RNGTT: variants seen among roughly 807,000 people sequenced by gnomAD.
The protein encoded by RNGTT is RNA guanylyltransferase and 5'-phosphatase.
A neutral mutation model predicts 79.3 loss-of-function variants in RNGTT; 33 were observed. That is an observed-to-expected ratio of 0.42 (90% confidence interval 0.32 to 0.56). RNGTT has a LOEUF of 0.56. Ranked by LOEUF, RNGTT falls within the 20% of genes least tolerant of loss-of-function variation. RNGTT has a pLI of 0.17. For missense variants in RNGTT, 497 were observed against 739.1 expected, an observed-to-expected ratio of 0.67 and a Z score of 3.80; for synonymous variants, 222 against 235.9, an observed-to-expected ratio of 0.94 and a Z score of 0.54.
At chr6:88,923,122 C>G (rs1227161777) in intron 4 of RNGTT, among the ~76,000 whole-genome samples, 2 of 152,222 alleles carry the variant, frequency 1.3e-5, no homozygotes, top group Admixed American at 6.5e-5. Flanking sequence ...TCAGCAAGCA[C>G]ATAATGTTTG....
intron 13 of RNGTT, among the ~76,000 whole-genome samples, chr6:88,765,685 T>C (rs559905529): frequency 2.9e-4 from 44 of 152,300 alleles, no homozygotes; most frequent in Admixed American, 2.6e-3. Flanking sequence ...AGCAAATAAG[T>C]AGTGGAACTT....
At chr6:88,768,554 G>A (rs1037926028) in intron 13 of RNGTT, among the ~76,000 whole-genome samples, 6 of 152,212 alleles carry the variant, frequency 3.9e-5, no homozygotes, top group Non-Finnish European at 8.8e-5. Context: ...ATCTTTTGGA[G>A]TCTGGACTCC....
At chr6:88,743,838 T>C (rs996227992) in intron 13 of RNGTT, among the ~76,000 whole-genome samples, 13 of 152,206 alleles carry the variant, frequency 8.5e-5, no homozygotes, top group African/African-American at 3.1e-4. Context: ...CATATGATAA[T>C]TCTATTTTTA....
chr6:88,613,194 T>C (rs1030378447), intron 15 of RNGTT, among the ~76,000 whole-genome samples: 7 of 152,214 alleles, frequency 4.6e-5, no homozygotes, highest in African/African-American at 7.2e-5. Flanking sequence ...ACACAACACA[T>C]TGCACCATAG....
At chr6:88,931,221 T>C (rs547049379) in intron 2 of RNGTT, among the ~76,000 whole-genome samples, 7 of 145,964 alleles carry the variant, frequency 4.8e-5, no homozygotes, top group Non-Finnish European at 1.0e-4. Context: ...GAACAAGAAG[T>C]TCTATGTGCT....
rs1344150566 is a variant in RNGTT at position 88,678,372 on chromosome 6, C to T, written c.1487G>A (p.Arg496Lys). Residue 496 changes from arginine to lysine, a missense_variant, in exon 14 of 16, where the codon AGA (arginine) becomes AAA (lysine). Physicochemically the swap from Arg to Lys is conservative, Grantham distance 26. Around this residue, in one of 3 missense-constraint regions of RNGTT, gnomAD observed 440 missense variants for 671.5 expected, o/e 0.66. Transcript: ENST00000369485. ...ACATACCTTGATTTGTGCAAAGGGT[C>T]TTTCATAACCTCCAACATACAGGAG... ...VGLLYVGGYE[R>K]PFAQIKVTKE... 1.9e-6 allele frequency: 3 copies of T among 1,539,500 alleles called. No individual in the cohort carries two copies. The highest frequency in any genetic ancestry group is 2.7e-5 in the African/African-American group (2 of 73,300).
At chr6:88,837,441 T>A (rs1176938826) in intron 11 of RNGTT, among the ~76,000 whole-genome samples, 2 of 152,072 alleles carry the variant, frequency 1.3e-5, no homozygotes, top group Non-Finnish European at 2.9e-5. Context: ...CATATTTTTT[T>A]AAACCAAGTT....
chr6:88,807,680 G>A (rs1780002773), intron 11 of RNGTT, among the ~76,000 whole-genome samples: 1 of 151,872 alleles, frequency 6.6e-6, no homozygotes, highest in African/African-American at 2.4e-5. Flanking sequence ...GCCTCCAATT[G>A]CTACAAAATT....
chr6:88,817,651 G>C, intron 11 of RNGTT, among the ~76,000 whole-genome samples: 1 of 149,274 alleles, frequency 6.7e-6, no homozygotes, highest in Non-Finnish European at 1.5e-5. Flanking sequence ...AAACTAATCA[G>C]CAACCTTAAC....
chr6:88,756,694 A>C (rs899687601), intron 13 of RNGTT, among the ~76,000 whole-genome samples: 2 of 152,168 alleles, frequency 1.3e-5, no homozygotes, highest in Admixed American at 1.3e-4. Context: ...GACTATATTG[A>C]CTACATACAA....
chr6:88,924,778 T>C (rs949636208), intron 4 of RNGTT, among the ~76,000 whole-genome samples: 71 of 150,470 alleles, frequency 4.7e-4, no homozygotes, highest in African/African-American at 1.7e-3. Flanking sequence ...CAAGCTGGAG[T>C]GCAGGTGTGA....
chr6:88,848,358 A>C (rs1334087239), intron 10 of RNGTT, among the ~76,000 whole-genome samples: 1 of 152,102 alleles, frequency 6.6e-6, no homozygotes, highest in Non-Finnish European at 1.5e-5. Context: ...TTACATTCCA[A>C]GAATGAGAAC....
Position 88,850,679 on chromosome 6 carries a change from T to C in RNGTT, c.1033-853A>G, listed in dbSNP as rs539047072. 2.2e-4 allele frequency among the ~76,000 whole-genome samples: 33 copies of C among 151,768 alleles called. No individual in the cohort carries two copies. The South Asian group carries it at 6.6e-3, about 31-fold the overall frequency. ...ATTACCTAAGCCTAAGTACAAGGAG[T>C]GTAGTTATTTCTACTTGAAGAATAA... On this transcript the variant is annotated intron_variant, in intron 9 of 15. Transcript: ENST00000369485.
At chr6:88,710,197 T>C (rs182476687) in intron 13 of RNGTT, among the ~76,000 whole-genome samples, 15 of 152,326 alleles carry the variant, frequency 9.8e-5, no homozygotes, top group Admixed American at 9.8e-4. Context: ...AGCAAGTCCC[T>C]GTCTCTCAAA....
At chr6:88,685,213 G>C (rs1315881048) in intron 13 of RNGTT, among the ~76,000 whole-genome samples, 1 of 152,106 alleles carries the variant, frequency 6.6e-6, no homozygotes, top group Non-Finnish European at 1.5e-5. Context: ...TGTAATGGTT[G>C]ATATCATCTG....
intron 8 of RNGTT, among the ~76,000 whole-genome samples, chr6:88,864,727 C>T (rs1782114937): frequency 6.6e-6 from 1 of 152,046 alleles, no homozygotes; most frequent in South Asian, 2.1e-4. Flanking sequence ...AAGCAAAATG[C>T]AGCATATACA....
At chr6:88,912,814 C>G (rs1259241917) in intron 4 of RNGTT, among the ~76,000 whole-genome samples, 1 of 152,086 alleles carries the variant, frequency 6.6e-6, no homozygotes, top group Non-Finnish European at 1.5e-5. Flanking sequence ...TTCCTGGAAA[C>G]ACACAACTTC....
chr6:88,671,416 A>G (rs998615592), intron 14 of RNGTT, among the ~76,000 whole-genome samples: 5 of 152,238 alleles, frequency 3.3e-5, no homozygotes, highest in African/African-American at 7.2e-5. Context: ...AGACCTCTAC[A>G]AGGAAAACTA....
chr6:88,958,461 A>T (rs373011119), intron 1 of RNGTT, among the ~76,000 whole-genome samples: 2 of 152,354 alleles, frequency 1.3e-5, no homozygotes, highest in Admixed American at 6.5e-5. Flanking sequence ...AAATCTTCGC[A>T]AACTATGCAT....
Sources: gnomAD v4.1 joint callset for allele counts (sites outside exome capture counted in the v4.1 genomes callset) on GRCh38, gnomAD v4.1.1 for gene constraint, gnomAD v4.1.1 regional missense constraint, MANE v1.5 for transcripts, NCBI Gene and HGNC (gene_info 2026-07-23, HGNC 2026-07-21) for gene names.